FCER2: variants seen among roughly 807,000 people sequenced by gnomAD.
FCER2 encodes the protein low affinity immunoglobulin epsilon Fc receptor.
A neutral mutation model predicts 49.7 loss-of-function variants in FCER2; 38 were observed. The observed-to-expected ratio is 0.76, with a 90% CI of 0.59 to 1.00. FCER2 has a LOEUF of 1.00. FCER2 is among the 50% of genes least tolerant of loss of function. The pLI is 0.00. For missense variants in FCER2, 425 were observed against 419.5 expected, an observed-to-expected ratio of 1.01 and a Z score of -0.11; for synonymous variants, 163 against 164.6, an observed-to-expected ratio of 0.99 and a Z score of 0.07.
In FCER2 at chr19:7,697,596, C is replaced by T. The variant is rs1421070646; in HGVS notation, c.191-7G>A. On this transcript the variant is annotated splice_polypyrimidine_tract_variant and splice_region_variant and intron_variant, in intron 4 of 10. Transcript: ENST00000597921. ...TTCTTGGAAACTTGAGAGACTGGAG[C>T]GGCGGGAGAGAAGAGATATCCCAGG... is the stretch of plus-strand genomic sequence containing the variant. The T allele has an allele frequency of 3.1e-6, 5 of 1,613,672 alleles. No individual in the cohort carries two copies. Among genetic ancestry groups the T allele is most frequent in the East Asian group, 2.2e-5 (1 of 44,884 alleles).
intron 8 of FCER2, among the ~76,000 whole-genome samples, chr19:7,691,596 C>A (rs72486374): frequency 3.3e-5 from 5 of 151,314 alleles, no homozygotes; most frequent in Non-Finnish European, 2.9e-5. Flanking sequence ...ACTTTCACCA[C>A]CCTCATCACC....
intron 8 of FCER2, among the ~76,000 whole-genome samples, chr19:7,691,761 C>A (rs2032877551): frequency 6.6e-6 from 1 of 151,916 alleles, no homozygotes; most frequent in Non-Finnish European, 1.5e-5. Flanking sequence ...CCTCAACCAC[C>A]ATTACATCAT....
rs1160051768 is a variant in FCER2 at position 7,689,212 on chromosome 19, GA to G, written c.946del (p.Ser316LeufsTer46). On this transcript the variant is annotated frameshift_variant, in exon 11 of 11. Coordinates refer to ENST00000597921, the MANE Select transcript of FCER2 (RefSeq NM_001220500.2). LOFTEE classifies it high-confidence loss of function. ...PDPDGRLPTP[S>X]APLHS ...CCATGCTCAAGAGTGGAGAGGGGCAGAGGGGGTGGGCAGGCGGCCGTCAGGG... is the reference window on the plus strand; with the variant it reads ...CCATGCTCAAGAGTGGAGAGGGGCAGGGGGGTGGGCAGGCGGCCGTCAGGG... 7 of 1,611,766 alleles carry G rather than the reference GA, an allele frequency of 4.3e-6. No individual in the cohort carries two copies. The African/African-American group carries it at 5.3e-5, about 12-fold the overall frequency.
At chr19:7,691,591 C>G (rs66527560) in intron 8 of FCER2, among the ~76,000 whole-genome samples, 52,720 of 151,480 alleles carry the variant, frequency 0.35, 10,215 homozygotes, top group African/African-American at 0.53. Flanking sequence ...ACAGCACTTT[C>G]ACCACCCTCA....
At chr19:7,694,796 G>A (rs1488838469) in intron 8 of FCER2, among the ~76,000 whole-genome samples, 1 of 151,948 alleles carries the variant, frequency 6.6e-6, no homozygotes, top group African/African-American at 2.4e-5. Context: ...TTAGCTGGCG[G>A]AACGGCAGGG....
At chr19:7,690,609 C>T (rs776496961) in intron 8 of FCER2, 52 bp from the exon 9 acceptor site, 2 of 1,584,034 alleles carry the variant, frequency 1.3e-6, no homozygotes, top group Non-Finnish European at 8.6e-7. Flanking sequence ...GCCTTGGGCA[C>T]CCTGGGCAGA....
Position 7,699,559 on chromosome 19 carries a change from T to C in FCER2, c.22+180A>G, listed in dbSNP as rs919357171. On this transcript the variant is annotated intron_variant, in intron 2 of 10. Transcript: ENST00000597921. ...GAGGGGCCCTCAATTTGCCACTCCT[T>C]CCTGGCTCTGTGCCAGGAAAGTCAG... 3 of 1,228,104 alleles carry C rather than the reference T, an allele frequency of 2.4e-6. No homozygotes were observed. In the African/African-American group the frequency reaches 4.6e-5, roughly 19 times the overall value. The allele number at this position is 1,228,104 out of a possible 1,614,324, so 76.1% of individuals were successfully genotyped here.
At chr19:7,697,760 T>C (rs1245478056) in intron 4 of FCER2, among the ~76,000 whole-genome samples, 171 bp from the exon 5 acceptor site, 1 of 137,254 alleles carries the variant, frequency 7.3e-6, no homozygotes, top group African/African-American at 3.0e-5. Flanking sequence ...TGCAAGAATA[T>C]AATGAACTAC....
intron 8 of FCER2, among the ~76,000 whole-genome samples, chr19:7,691,778 T>C (rs1254671893): frequency 2.0e-5 from 3 of 150,168 alleles, no homozygotes; most frequent in African/African-American, 7.4e-5. Context: ...TCATCATAAA[T>C]ACACCCATGG....
At chr19:7,690,858 C>A (rs537515421) in intron 8 of FCER2, among the ~76,000 whole-genome samples, 1 of 151,984 alleles carries the variant, frequency 6.6e-6, no homozygotes, top group Non-Finnish European at 1.5e-5. Context: ...ACCTCATGGC[C>A]AGAAGCACCA....
chr19:7,697,694 T>C, intron 4 of FCER2, 105 bp from the exon 5 acceptor site: 1 of 842,698 alleles, frequency 1.2e-6, no homozygotes, highest in East Asian at 2.5e-5. Context: ...TCACAACAGC[T>C]GCTGTTGCTG....
Position 7,689,405 on chromosome 19 carries a change from T to C in FCER2, c.754A>G (p.Ser252Gly), listed in dbSNP as rs1475043124. 6.3e-7 allele frequency: 1 copy of C among 1,598,732 alleles called. No homozygotes were observed. Among genetic ancestry groups the C allele is most frequent in the Non-Finnish European group, 8.5e-7 (1 of 1,172,556 alleles). ...YSNWAPGEPT[S>G]RSQGEDCVMM... ...ACGCAGTCCTCGCCCTGGCTCCGGC[T>C]GGTGGGCTCCCCTGGAGCCCAGTTG... The change falls in exon 11 of 11, where the codon AGC becomes GGC. Residue 252 changes from serine (S) to glycine (G), a missense_variant. Ser to Gly is a moderately conservative substitution (Grantham distance 56). Coordinates refer to ENST00000597921, the MANE Select transcript of FCER2 (RefSeq NM_001220500.2).
At chr19:7,698,660 G>C (rs1378157598) in intron 3 of FCER2, 81 bp downstream of exon 3, 22 of 1,545,498 alleles carry the variant, frequency 1.4e-5, no homozygotes, top group Non-Finnish European at 1.9e-5. Flanking sequence ...GGCTCCCCCA[G>C]CTCTGAGATG....
At chr19:7,698,956 T>C in intron 2 of FCER2, 102 bp from the exon 3 acceptor site, 1 of 1,279,028 alleles carries the variant, frequency 7.8e-7, no homozygotes, top group Non-Finnish European at 1.1e-6. Context: ...TGGGAGCTTG[T>C]CCAGAGCCCA....
chr19:7,698,091 C>A (rs1961737927), intron 4 of FCER2, among the ~76,000 whole-genome samples: 1 of 152,184 alleles, frequency 6.6e-6, no homozygotes, highest in Admixed American at 6.5e-5. Flanking sequence ...CTTCAGCCAG[C>A]CACACAGTTT....
chr19:7,698,616 G>T (rs1177744226), intron 3 of FCER2, 125 bp downstream of exon 3: 3 of 1,338,110 alleles, frequency 2.2e-6, no homozygotes, highest in Non-Finnish European at 3.1e-6. Context: ...ATGGGAGGCA[G>T]GATGGGAAAA....
At chr19:7,696,751 C>A in intron 8 of FCER2, 74 bp downstream of exon 8, 1 of 1,055,660 alleles carries the variant, frequency 9.5e-7, no homozygotes, top group Non-Finnish European at 1.4e-6. Flanking sequence ...CACGTGCGTG[C>A]CGTCACATTT....
intron 3 of FCER2, 28 bp downstream of exon 3, chr19:7,698,713 G>A (rs559731890): frequency 3.1e-6 from 5 of 1,607,046 alleles, no homozygotes; most frequent in South Asian, 2.2e-5. Context: ...GAGTTGGGGG[G>A]ACCACATGGA....
rs1405694045 is a variant in FCER2, at chr19:7,690,424, G to A, written c.603C>T (p.Ile201=). ...CDDMEGQLVS[I]HSPEEQDFLT... ...AGCCCACCTGCTCCTCCGGGCTGTG[G>A]ATGCTGACCAGCTGCCCTTCCATGT... The change falls in exon 9 of 11, where the codon ATC becomes ATT. Residue 201 remains isoleucine (I), a synonymous_variant. Coordinates refer to ENST00000597921, the MANE Select transcript of FCER2 (RefSeq NM_001220500.2). 1 of 1,614,032 alleles carries A rather than the reference G, an allele frequency of 6.2e-7. No homozygotes were observed. Among genetic ancestry groups the A allele is most frequent in the Non-Finnish European group, 8.5e-7 (1 of 1,179,958 alleles).
Sources: gnomAD v4.1 joint callset for allele counts (sites outside exome capture counted in the v4.1 genomes callset) on GRCh38, gnomAD v4.1.1 for gene constraint, MANE v1.5 for transcripts, NCBI Gene and HGNC (gene_info 2026-07-23, HGNC 2026-07-21) for gene names.